PDE4D: variants seen among roughly 807,000 people sequenced by gnomAD.
PDE4D encodes 3',5'-cyclic-AMP phosphodiesterase 4D.
Under a neutral mutation model 87.4 loss-of-function variants are expected in PDE4D, and 24 were observed. The ratio of observed to expected loss-of-function variants is 0.27; its 90% CI spans 0.20 to 0.39. The LOEUF (loss-of-function observed/expected upper bound fraction) is 0.39, where lower values mean the gene tolerates loss of function less well. PDE4D is among the 10% of genes least tolerant of loss of function. The pLI is 1.00. For synonymous variants in PDE4D, 384 were observed against 383.2 expected (o/e 1.00, Z -0.02); for missense variants, 714 against 1,041.0 (o/e 0.69, Z 4.32).
chr5:60,391,242 C>T (rs1762542518), intron 1 of PDE4D, among the ~76,000 whole-genome samples: 2 of 152,076 alleles, frequency 1.3e-5, no homozygotes, highest in African/African-American at 4.8e-5. Context: ...CTATAACATC[C>T]CCACATGGTG....
intron 1 of PDE4D, among the ~76,000 whole-genome samples, chr5:59,244,819 T>C (rs1219669605): frequency 6.7e-6 from 1 of 148,204 alleles, no homozygotes; most frequent in Non-Finnish European, 1.5e-5. Flanking sequence ...GTGAGCATGT[T>C]TGTGGGGTAT....
intron 2 of PDE4D, among the ~76,000 whole-genome samples, chr5:60,154,532 C>G (rs1047487371): frequency 2.0e-4 from 30 of 152,158 alleles, no homozygotes; most frequent in African/African-American, 6.8e-4. Flanking sequence ...CCTCAGCCCC[C>G]CAAAGTGCTG....
chr5:60,111,857 A>G (rs1340701888), intron 2 of PDE4D, among the ~76,000 whole-genome samples: 2 of 152,038 alleles, frequency 1.3e-5, no homozygotes, highest in Non-Finnish European at 2.9e-5. Flanking sequence ...TGATATGGGA[A>G]TGACAAATAC....
chr5:59,976,024 C>T (rs1054292680), intron 3 of PDE4D, among the ~76,000 whole-genome samples: 1 of 152,084 alleles, frequency 6.6e-6, no homozygotes, highest in Non-Finnish European at 1.5e-5. Flanking sequence ...GATTCAATCC[C>T]CTGTGAAAGA....
intron 1 of PDE4D, among the ~76,000 whole-genome samples, chr5:59,426,673 C>T (rs1795273314): frequency 6.6e-6 from 1 of 152,088 alleles, no homozygotes; most frequent in African/African-American, 2.4e-5. Context: ...TGAGGTAAAA[C>T]ATGACACCCG....
intron 1 of PDE4D, among the ~76,000 whole-genome samples, chr5:59,559,344 G>A (rs1310397692): frequency 6.6e-6 from 1 of 152,092 alleles, no homozygotes; most frequent in Non-Finnish European, 1.5e-5. Flanking sequence ...TTCTTCACAT[G>A]AGCCATGTTA....
intron 2 of PDE4D, among the ~76,000 whole-genome samples, chr5:60,142,146 C>T (rs968596629): frequency 4.0e-5 from 6 of 149,788 alleles, no homozygotes; most frequent in African/African-American, 1.5e-4. Flanking sequence ...CAGGATCCTG[C>T]CCAAAAGGAA....
chr5:60,301,206 T>A (rs1753860065), intron 1 of PDE4D, among the ~76,000 whole-genome samples: 1 of 152,240 alleles, frequency 6.6e-6, no homozygotes, highest in African/African-American at 2.4e-5. Context: ...GGCTCTTTTT[T>A]GGTTCCATAC....
intron 1 of PDE4D, chr5:60,448,818 G>C (rs569021071): frequency 1.3e-5 from 2 of 152,016 alleles, no homozygotes; most frequent in African/African-American, 4.8e-5. Context: ...AGCTCCTGAC[G>C]CAACAGAGGG....
chr5:59,121,686 T>A (rs1382496133), intron 5 of PDE4D, among the ~76,000 whole-genome samples: 1 of 152,070 alleles, frequency 6.6e-6, no homozygotes, highest in Admixed American at 6.5e-5. Flanking sequence ...AAAATAGAAC[T>A]AACCACTATG....
chr5:60,126,490 A>C (rs932564413), intron 2 of PDE4D, among the ~76,000 whole-genome samples: 1 of 152,216 alleles, frequency 6.6e-6, no homozygotes, highest in African/African-American at 2.4e-5. Context: ...ATGGCTAAAA[A>C]ATGAAATGGG....
At chr5:60,052,581 C>G (rs1770303437) in intron 2 of PDE4D, among the ~76,000 whole-genome samples, 1 of 152,168 alleles carries the variant, frequency 6.6e-6, no homozygotes, top group Non-Finnish European at 1.5e-5. Context: ...CAGCCAATAT[C>G]ATACCAAATG....
chr5:59,717,049 T>TA (rs1334237918), intron 1 of PDE4D, among the ~76,000 whole-genome samples: 1 of 152,192 alleles, frequency 6.6e-6, no homozygotes, highest in Non-Finnish European at 1.5e-5. Context: ...TCCTTAGGGA[T>TA]AAAACCCTTT....
chr5:59,557,934 A>G (rs1327963625), intron 1 of PDE4D, among the ~76,000 whole-genome samples: 1 of 152,202 alleles, frequency 6.6e-6, no homozygotes, highest in African/African-American at 2.4e-5. Context: ...AGGTCTAGAG[A>G]CATTAAAATC....
intron 2 of PDE4D, among the ~76,000 whole-genome samples, chr5:60,164,188 T>C (rs1221903611): frequency 6.6e-6 from 1 of 152,082 alleles, no homozygotes; most frequent in Non-Finnish European, 1.5e-5. Flanking sequence ...AATCAAGCAA[T>C]AGATTGGGAT....
At chr5:60,088,021 T>G (rs910009078) in intron 2 of PDE4D, among the ~76,000 whole-genome samples, 1 of 152,022 alleles carries the variant, frequency 6.6e-6, no homozygotes, top group Non-Finnish European at 1.5e-5. Context: ...AAACATTACA[T>G]TCAACTGATC....
intron 1 of PDE4D, among the ~76,000 whole-genome samples, chr5:59,757,564 C>T (rs1008105149): frequency 6.6e-6 from 1 of 152,170 alleles, no homozygotes; most frequent in African/African-American, 2.4e-5. Context: ...TGGTCCTCCT[C>T]TATCTGGCCA....
intron 1 of PDE4D, among the ~76,000 whole-genome samples, chr5:60,366,824 T>C (rs1760592825): frequency 6.6e-6 from 1 of 152,202 alleles, no homozygotes; most frequent in African/African-American, 2.4e-5. Context: ...AACATGCACA[T>C]GAAATTCAAC....
intron 1 of PDE4D, among the ~76,000 whole-genome samples, chr5:60,341,769 G>A (rs1222953410): frequency 1.3e-5 from 2 of 151,908 alleles, no homozygotes; most frequent in African/African-American, 2.4e-5. Flanking sequence ...AGCCACATAA[G>A]GATGTACAAA....
Sources: allele counts gnomAD v4.1 joint callset (sites outside exome capture counted in the v4.1 genomes callset), GRCh38; gene constraint gnomAD v4.1.1; transcripts MANE v1.5; gene names NCBI Gene and HGNC (gene_info 2026-07-23, HGNC 2026-07-21).